Variants in TNKS observed in about 807,000 individuals in gnomAD.
TNKS encodes the protein poly [ADP-ribose] polymerase tankyrase-1.
Under a neutral mutation model 135.8 loss-of-function variants are expected in TNKS, and 72 were observed. The observed-to-expected ratio is 0.53, with a 90% confidence interval of 0.44 to 0.64. The LOEUF is 0.64. Ranked by LOEUF, TNKS falls within the 30% of genes least tolerant of loss-of-function variation. TNKS has a pLI of 0.00. For missense variants in TNKS, 1,769 were observed against 1,674.0 expected (o/e 1.06, Z -0.99); for synonymous variants, 849 against 649.3 (o/e 1.31, Z -4.68).
At chr8:9,747,639 A>G (rs1806308099) in intron 17 of TNKS, among the ~76,000 whole-genome samples, 1 of 152,260 alleles carries the variant, frequency 6.6e-6, no homozygotes, top group African/African-American at 2.4e-5. Flanking sequence ...TGCATATTTG[A>G]AAAGTTTGGC....
At chr8:9,599,865 C>G (rs181328288) in intron 2 of TNKS, among the ~76,000 whole-genome samples, 126 of 151,978 alleles carry the variant, frequency 8.3e-4, no homozygotes, top group African/African-American at 2.8e-3. Context: ...TTGGAAGATT[C>G]TTTTATTATT....
chr8:9,678,393 A>AGT (rs1477151653), intron 3 of TNKS, among the ~76,000 whole-genome samples: 13 of 152,316 alleles, frequency 8.5e-5, no homozygotes, highest in Middle Eastern at 3.4e-3. Flanking sequence ...ATATAATGAA[A>AGT]TGACCTTTAC....
At chr8:9,653,901 G>C (rs542741768) in intron 3 of TNKS, among the ~76,000 whole-genome samples, 2 of 151,918 alleles carry the variant, frequency 1.3e-5, no homozygotes, top group Admixed American at 6.6e-5. Context: ...TCCTTTCCCT[G>C]CTACCAGATG....
At chr8:9,617,547 C>T (rs1335982267) in intron 3 of TNKS, among the ~76,000 whole-genome samples, 1 of 152,112 alleles carries the variant, frequency 6.6e-6, no homozygotes, top group African/African-American at 2.4e-5. Flanking sequence ...TACATTCATG[C>T]TATATAATGC....
Position 9,580,286 on chromosome 8 carries a change from G to C in TNKS, c.801G>C (p.Leu267=). 6.2e-7 allele frequency: 1 copy of C among 1,614,204 alleles called. No homozygotes were observed. The highest frequency in any genetic ancestry group is 8.5e-7 in the Non-Finnish European group (1 of 1,180,042). ...CSFGHAEVVS[L]LLCQGADPNA... ...TTGGCCATGCTGAGGTTGTGAGTCT[G>C]TTATTGTGCCAAGGAGCTGATCCAA... Residue 267 remains leucine (L), a synonymous_variant, in exon 2 of 27, where the codon CTG becomes CTC. Coordinates refer to ENST00000310430, the MANE Select transcript of TNKS (RefSeq NM_003747.3).
intron 20 of TNKS, 123 bp from the exon 21 acceptor site, chr8:9,761,392 AT>A (rs1412723067): frequency 2.0e-6 from 2 of 1,009,024 alleles, no homozygotes; most frequent in African/African-American, 3.3e-5. Context: ...GCTCATGTTT[AT>A]AAAGGGAACA....
intron 3 of TNKS, among the ~76,000 whole-genome samples, chr8:9,661,554 C>T (rs1001957779): frequency 1.4e-4 from 21 of 152,198 alleles, no homozygotes; most frequent in Non-Finnish European, 2.8e-4. Flanking sequence ...AAACTGGATC[C>T]CTTCCTTACA....
At chr8:9,700,751 C>A (rs911048753) in intron 5 of TNKS, among the ~76,000 whole-genome samples, 1 of 152,078 alleles carries the variant, frequency 6.6e-6, no homozygotes, top group African/African-American at 2.4e-5. Context: ...CCTTCAACTC[C>A]ATTTTTTCAC....
At chr8:9,713,134 C>G (rs990229414) in intron 11 of TNKS, among the ~76,000 whole-genome samples, 21 of 152,094 alleles carry the variant, frequency 1.4e-4, no homozygotes. Flanking sequence ...GAAATGAAGA[C>G]AAAGTGGAAT....
intron 25 of TNKS, among the ~76,000 whole-genome samples, chr8:9,769,615 T>C: frequency 7.8e-6 from 1 of 128,900 alleles, no homozygotes; most frequent in African/African-American, 3.3e-5. Flanking sequence ...GCATTTTCTT[T>C]TTTTTTTTTT....
intron 17 of TNKS, among the ~76,000 whole-genome samples, chr8:9,738,933 G>C (rs1805782535): frequency 6.6e-6 from 1 of 151,180 alleles, no homozygotes; most frequent in Non-Finnish European, 1.5e-5. Flanking sequence ...GTGCAGAGCT[G>C]AGTTCAATTC....
chr8:9,770,006 T>A, intron 25 of TNKS, 100 bp from the exon 26 acceptor site: 1 of 1,026,802 alleles, frequency 9.7e-7, no homozygotes. Context: ...TAAATTAGCT[T>A]GCCTTATGTT....
chr8:9,744,263 G>A (rs1187640201), intron 17 of TNKS, among the ~76,000 whole-genome samples: 1 of 152,170 alleles, frequency 6.6e-6, no homozygotes, highest in East Asian at 1.9e-4. Context: ...TTTCTGCTAA[G>A]TCAGTAAATG....
At chr8:9,721,063 C>T (rs917196927) in intron 12 of TNKS, among the ~76,000 whole-genome samples, 1 of 151,936 alleles carries the variant, frequency 6.6e-6, no homozygotes, top group South Asian at 2.1e-4. Flanking sequence ...AGGCAGATCA[C>T]GAGGACAGGA....
Position 9,692,249 on chromosome 8 carries a change from G to A in TNKS, c.1107+11449G>A, listed in dbSNP as rs532239689. 5.3e-5 allele frequency among the ~76,000 whole-genome samples: 8 copies of A among 152,230 alleles called. No homozygotes were observed. The South Asian group carries it at 1.5e-3, about 28-fold the overall frequency. On this transcript the variant is annotated intron_variant, in intron 5 of 26. Transcript: ENST00000310430. ...GCCTGTTTTCCCATCGTTGTGTTCA[G>A]GTGTATTCACTGTTTAGCTCCCTCT...
chr8:9,681,170 A>G (rs1464528741), intron 5 of TNKS: 1 of 158,762 alleles, frequency 6.3e-6, no homozygotes, highest in Non-Finnish European at 1.4e-5. Context: ...TTGATTTCTT[A>G]TTTGGCAGAA....
intron 2 of TNKS, among the ~76,000 whole-genome samples, chr8:9,585,816 T>C (rs1052422844): frequency 1.3e-5 from 2 of 152,192 alleles, no homozygotes; most frequent in African/African-American, 4.8e-5. Context: ...ATATCTTTCT[T>C]GGGAGCGCAA....
chr8:9,637,851 A>C (rs929710405), intron 3 of TNKS, among the ~76,000 whole-genome samples: 1 of 152,214 alleles, frequency 6.6e-6, no homozygotes, highest in African/African-American at 2.4e-5. Context: ...GCAATGTTTA[A>C]ACCACTTTAT....
chr8:9,731,754 C>G (rs1046051388), intron 14 of TNKS, among the ~76,000 whole-genome samples: 11 of 152,036 alleles, frequency 7.2e-5, no homozygotes, highest in Non-Finnish European at 1.3e-4. Flanking sequence ...TCTTTTAATG[C>G]TTGTATATAG....
Sources: gnomAD v4.1 joint callset for allele counts (sites outside exome capture counted in the v4.1 genomes callset) on GRCh38, gnomAD v4.1.1 for gene constraint, MANE v1.5 for transcripts, NCBI Gene and HGNC (gene_info 2026-07-23, HGNC 2026-07-21) for gene names.